Variants in DSCAML1 observed in about 807,000 individuals in gnomAD.
DSCAML1 encodes the protein cell adhesion molecule DSCAML1.
Under a neutral mutation model 200.5 loss-of-function variants are expected in DSCAML1, and 38 were observed. The ratio of observed to expected loss-of-function variants is 0.19; its 90% CI spans 0.15 to 0.25. The LOEUF is 0.25. DSCAML1 is among the 10% of genes least tolerant of loss of function. The pLI is 1.00. For missense variants in DSCAML1, 2,223 were observed against 2,858.8 expected (o/e 0.78, Z 5.07); for synonymous variants, 1,215 against 1,165.0 (o/e 1.04, Z -0.87).
intron 23 of DSCAML1, 91 bp from the exon 24 acceptor site, chr11:117,439,074 T>A: frequency 7.3e-7 from 1 of 1,369,940 alleles, no homozygotes; most frequent in Non-Finnish European, 9.9e-7. Context: ...GTGCTGGCTC[T>A]CCCACACCCT....
In DSCAML1 at chr11:117,637,654, T is replaced by C. The variant is rs146664985; in HGVS notation, c.512-105132A>G. 6.2e-3 allele frequency among the ~76,000 whole-genome samples: 950 copies of C among 152,134 alleles called. 5 individuals carry two copies. The highest frequency in any genetic ancestry group is 0.011 in the Admixed American group (170 of 15,280). On this transcript the variant is annotated intron_variant, in intron 3 of 32. Coordinates refer to ENST00000651296, the MANE Select transcript of DSCAML1 (RefSeq NM_020693.4). ...GCCACTGCTCCCCGCCCTCAATAAG[T>C]AGATTAAAAAGAAATGAATGAATCA...
In DSCAML1 at chr11:117,430,841, G is replaced by A; in HGVS notation, c.5567C>T (p.Thr1856Ile). ...AGGCTCTGAGGGTGTGCTCATGGAT[G>A]TCATGCTGTCGGCGTTCTCGTTGGT... ...TGTNENADSMTSMSTPSEPGI... is the reference protein window; with the variant it reads ...TGTNENADSMISMSTPSEPGI... Residue 1856 changes from threonine (T) to isoleucine (I), a missense_variant, in exon 32 of 33, where the codon ACA becomes ATA. Physicochemically the swap from Thr to Ile is moderately conservative, Grantham distance 89 (BLOSUM62 -1). Coordinates refer to ENST00000651296, the MANE Select transcript of DSCAML1 (RefSeq NM_020693.4). 6.2e-7 allele frequency: 1 copy of A among 1,614,194 alleles called. No homozygotes were observed. Among genetic ancestry groups the A allele is most frequent in the Admixed American group, 1.7e-5 (1 of 60,026 alleles).
chr11:117,471,432 A>G (rs775655696), intron 15 of DSCAML1, among the ~76,000 whole-genome samples: 21 of 152,198 alleles, frequency 1.4e-4, no homozygotes, highest in Non-Finnish European at 2.8e-4. Context: ...TTGGCCTCCC[A>G]AAGTGCTGTG....
intron 3 of DSCAML1, among the ~76,000 whole-genome samples, chr11:117,551,382 A>T (rs1203483161): frequency 6.6e-6 from 1 of 152,172 alleles, no homozygotes; most frequent in Non-Finnish European, 1.5e-5. Context: ...TCCCCAATGT[A>T]CAGATGAGAA....
chr11:117,522,197 G>A (rs1035762157), intron 5 of DSCAML1, among the ~76,000 whole-genome samples: 3 of 152,182 alleles, frequency 2.0e-5, no homozygotes, highest in African/African-American at 4.8e-5. Flanking sequence ...TTCGCATGGT[G>A]TCACCTCTTC....
rs923110804 is a variant in DSCAML1 at position 117,519,870 on chromosome 11, C to T, written c.1214-1108G>A. ...AAAGGAAGACAAATGTTTGTCTGGT[C>T]GGGGTGAGGAATGAGGGCTTAGGTT... On this transcript the variant is annotated intron_variant, in intron 6 of 32. Coordinates refer to ENST00000651296, the MANE Select transcript of DSCAML1 (RefSeq NM_020693.4). 2.6e-5 allele frequency among the ~76,000 whole-genome samples: 4 copies of T among 152,232 alleles called. No individual in the cohort carries two copies. In the South Asian group the frequency reaches 8.3e-4, roughly 32 times the overall value.
intron 3 of DSCAML1, among the ~76,000 whole-genome samples, chr11:117,715,484 A>G (rs1295689587): frequency 1.3e-5 from 2 of 152,194 alleles, no homozygotes; most frequent in Admixed American, 6.5e-5. Context: ...TCAAATGCCT[A>G]CTATGTGCCA....
At chr11:117,613,175 T>C (rs1043170809) in intron 3 of DSCAML1, among the ~76,000 whole-genome samples, 11 of 151,478 alleles carry the variant, frequency 7.3e-5, no homozygotes, top group Non-Finnish European at 1.3e-4. Flanking sequence ...TCCCCCACCA[T>C]GGTCAACTCA....
In DSCAML1 at chr11:117,532,613, C is replaced by T. The variant is rs988229231; in HGVS notation, c.512-91G>A. 4.7e-6 allele frequency: 6 copies of T among 1,288,122 alleles called. No homozygotes were observed. The South Asian group carries it at 8.8e-5, about 19-fold the overall frequency. The allele number at this position is 1,288,122 out of a possible 1,614,324, so 79.8% of individuals were successfully genotyped here. ...CGTCTCTGACAGATGAGGATTTTCACACACAAACAAAATGACAAATAGAAA... is the reference window on the plus strand; with the variant it reads ...CGTCTCTGACAGATGAGGATTTTCATACACAAACAAAATGACAAATAGAAA... On this transcript the variant is annotated intron_variant, in intron 3 of 32. Coordinates refer to ENST00000651296, the MANE Select transcript of DSCAML1 (RefSeq NM_020693.4).
chr11:117,640,281 C>T lies in DSCAML1; in HGVS notation c.512-107759G>A, dbSNP rs139285216. Reference sequence around the variant, plus strand: ...CTGTGTCTGCCAAGGCAGCCCGTTCCATCGCTGAGCCAGCCCTCTGTGGTA... The same window carrying T: ...CTGTGTCTGCCAAGGCAGCCCGTTCTATCGCTGAGCCAGCCCTCTGTGGTA... On this transcript the variant is annotated intron_variant, in intron 3 of 32. Coordinates refer to ENST00000651296, the MANE Select transcript of DSCAML1 (RefSeq NM_020693.4). Among the ~76,000 whole-genome samples, 342 of 152,340 alleles carry T rather than the reference C, an allele frequency of 2.2e-3. 2 individuals are homozygous for T. Among genetic ancestry groups the T allele is most frequent in the Middle Eastern group, 0.01 (3 of 294 alleles).
chr11:117,651,141 G>A (rs1182818746), intron 3 of DSCAML1, among the ~76,000 whole-genome samples: 1 of 152,264 alleles, frequency 6.6e-6, no homozygotes, highest in Non-Finnish European at 1.5e-5. Context: ...CCTCAATCCA[G>A]GGCGCTTTGC....
chr11:117,773,334 G>T (rs887511781), intron 3 of DSCAML1, among the ~76,000 whole-genome samples: 1 of 152,130 alleles, frequency 6.6e-6, no homozygotes, highest in Non-Finnish European at 1.5e-5. Flanking sequence ...CTGGACTTGT[G>T]GTTTGTGAAG....
chr11:117,780,693 G>A lies in DSCAML1; in HGVS notation c.164C>T (p.Ala55Val), dbSNP rs1037637594. Reference sequence around the variant, plus strand: ...TGTGGCCAGGTACCATCGAAGGGCCGCGCTGGGGGAGCCCGCGGCCGGGCA... The same window carrying A: ...TGTGGCCAGGTACCATCGAAGGGCCACGCTGGGGGAGCCCGCGGCCGGGCA... ...VPCPAAGSPS[A>V]ALRWYLATGD... is the part of the protein sequence containing the mutation. Residue 55 changes from alanine to valine, a missense_variant, in exon 2 of 33, where the codon GCG becomes GTG. By Grantham distance (64) the Ala-to-Val change is moderately conservative. This residue lies in a region of DSCAML1 where 579 missense variants were observed against 721.5 expected (regional missense o/e 0.80). Coordinates refer to ENST00000651296, the MANE Select transcript of DSCAML1 (RefSeq NM_020693.4). This position sits in a 1 kb window ranked among gnomAD's most constrained non-coding sequence, Gnocchi z 4.8. 2.5e-6 allele frequency: 4 copies of A among 1,587,182 alleles called. No individual in the cohort carries two copies. The highest frequency in any genetic ancestry group is 2.3e-5 in the East Asian group (1 of 43,010).
At chr11:117,811,850 C>A (rs1195588148) in intron 1 of DSCAML1, among the ~76,000 whole-genome samples, 1 of 152,170 alleles carries the variant, frequency 6.6e-6, no homozygotes, top group Non-Finnish European at 1.5e-5. Context: ...TTAATCAATA[C>A]GGAGGCTACC....
At chr11:117,508,684 C>T (rs944092076) in intron 8 of DSCAML1, among the ~76,000 whole-genome samples, 4 of 152,144 alleles carry the variant, frequency 2.6e-5, no homozygotes, top group East Asian at 1.9e-4. Context: ...CGCTTGAACA[C>T]GAGCAAGGGG....
chr11:117,654,049 A>T (rs778917376), intron 3 of DSCAML1, among the ~76,000 whole-genome samples: 6 of 152,202 alleles, frequency 3.9e-5, no homozygotes, highest in Non-Finnish European at 7.3e-5. Context: ...ACTGATATAG[A>T]TAAGCCTTCA....
At chr11:117,626,670 C>CTA (rs1370637753) in intron 3 of DSCAML1, among the ~76,000 whole-genome samples, 1 of 152,166 alleles carries the variant, frequency 6.6e-6, no homozygotes. Flanking sequence ...CAAGCGCTCT[C>CTA]TATGCAGGAG....
intron 3 of DSCAML1, among the ~76,000 whole-genome samples, chr11:117,584,524 C>A (rs867066063): frequency 6.6e-6 from 1 of 152,186 alleles, no homozygotes; most frequent in Non-Finnish European, 1.5e-5. Flanking sequence ...AACACTTGCT[C>A]GGCACAAAAC....
At chr11:117,734,456 T>A (rs569627588) in intron 3 of DSCAML1, among the ~76,000 whole-genome samples, 26 of 152,298 alleles carry the variant, frequency 1.7e-4, no homozygotes, top group African/African-American at 6.3e-4. Flanking sequence ...GGCTTCCCCA[T>A]TCCTAGAAAG....
Sources: allele counts gnomAD v4.1 joint callset (sites outside exome capture counted in the v4.1 genomes callset), GRCh38; gene constraint gnomAD v4.1.1; regional missense constraint gnomAD v4.1.1; non-coding constraint Gnocchi (gnomAD v3.1); transcripts MANE v1.5; gene names NCBI Gene and HGNC (gene_info 2026-07-23, HGNC 2026-07-21).